The following AGBL4 variants were observed in gnomAD, a reference collection of about 807,000 sequenced individuals.
The protein encoded by AGBL4 is cytosolic carboxypeptidase 6.
A neutral mutation model predicts 66.4 loss-of-function variants in AGBL4; 58 were observed. The ratio of observed to expected loss-of-function variants is 0.87; its 90% confidence interval spans 0.71 to 1.09. The LOEUF (loss-of-function observed/expected upper bound fraction) is 1.09, where lower values mean the gene tolerates loss of function less well. Among genes scored for constraint, AGBL4 ranks in the 50% least tolerant of loss-of-function variants. AGBL4 has a pLI of 0.00. For synonymous variants in AGBL4, 234 were observed against 222.9 expected (o/e 1.05, Z -0.44); for missense variants, 579 against 631.0 (o/e 0.92, Z 0.88).
chr1:48,604,340 T>C (rs1557822637), intron 9 of AGBL4, among the ~76,000 whole-genome samples: 1 of 152,168 alleles, frequency 6.6e-6, no homozygotes, highest in Admixed American at 6.6e-5. Context: ...GTTTGAGCTG[T>C]ATGTTTGCCT....
chr1:49,558,739 C>T (rs1220698632), intron 3 of AGBL4, among the ~76,000 whole-genome samples: 1 of 152,136 alleles, frequency 6.6e-6, no homozygotes, highest in African/African-American at 2.4e-5. Flanking sequence ...GCAGGCCAAG[C>T]AGCATTCACC....
chr1:49,482,131 T>C (rs970505470), intron 3 of AGBL4, among the ~76,000 whole-genome samples: 1 of 151,966 alleles, frequency 6.6e-6, no homozygotes, highest in Admixed American at 6.6e-5. Context: ...AGGATGATGC[T>C]GGCCTCATAG....
At chr1:49,376,280 C>A (rs1190746067) in intron 3 of AGBL4, among the ~76,000 whole-genome samples, 7 of 152,024 alleles carry the variant, frequency 4.6e-5, no homozygotes, top group Admixed American at 3.9e-4. Flanking sequence ...CTCCTCTCAG[C>A]CTGCTTGTAT....
intron 1 of AGBL4, among the ~76,000 whole-genome samples, chr1:49,927,775 A>T (rs947029190): frequency 6.6e-6 from 1 of 152,200 alleles, no homozygotes; most frequent in Non-Finnish European, 1.5e-5. Context: ...CTTAAAGAGG[A>T]AGGAGAAAGA....
chr1:50,008,059 C>A (rs982086780), intron 1 of AGBL4, among the ~76,000 whole-genome samples: 2 of 152,084 alleles, frequency 1.3e-5, no homozygotes, highest in Non-Finnish European at 2.9e-5. Flanking sequence ...GATAGATAGA[C>A]CCCAATACAA....
intron 6 of AGBL4, among the ~76,000 whole-genome samples, chr1:48,668,669 G>A (rs1646228590): frequency 6.6e-6 from 1 of 152,224 alleles, no homozygotes; most frequent in Non-Finnish European, 1.5e-5. Flanking sequence ...AAGAAGGAAA[G>A]GAGGAAACTG....
chr1:50,010,433 TA>T (rs1468765675), intron 1 of AGBL4, among the ~76,000 whole-genome samples: 1 of 149,792 alleles, frequency 6.7e-6, no homozygotes, highest in Non-Finnish European at 1.5e-5. Context: ...TTCACAGAAA[TA>T]GAAAAAATAA....
intron 3 of AGBL4, among the ~76,000 whole-genome samples, chr1:49,362,926 AT>A (rs1225241563): frequency 6.6e-6 from 1 of 152,178 alleles, no homozygotes. Flanking sequence ...AATGAAACAA[AT>A]TTTGGACATA....
intron 9 of AGBL4, among the ~76,000 whole-genome samples, chr1:48,604,842 T>C (rs1645132201): frequency 6.6e-6 from 1 of 151,948 alleles, no homozygotes; most frequent in Non-Finnish European, 1.5e-5. Flanking sequence ...GACAAGGAGG[T>C]GTGGGTAACA....
intron 2 of AGBL4, among the ~76,000 whole-genome samples, chr1:49,769,620 T>C (rs917503575): frequency 2.0e-5 from 3 of 152,028 alleles, no homozygotes; most frequent in Non-Finnish European, 4.4e-5. Flanking sequence ...CACAGACACA[T>C]AGACCAATGG....
chr1:49,068,805 CAG>C (rs1644542176), intron 4 of AGBL4, among the ~76,000 whole-genome samples: 1 of 152,200 alleles, frequency 6.6e-6, no homozygotes, highest in Non-Finnish European at 1.5e-5. Flanking sequence ...GGAGTCACCA[CAG>C]AGTCTTCCAC....
chr1:49,683,065 C>A (rs902536504), intron 3 of AGBL4, among the ~76,000 whole-genome samples: 1 of 152,142 alleles, frequency 6.6e-6, no homozygotes, highest in Non-Finnish European at 1.5e-5. Flanking sequence ...TGGCCATCGT[C>A]TTTACTGCTA....
At chr1:48,700,018 A>G (rs1356868545) in intron 6 of AGBL4, among the ~76,000 whole-genome samples, 1 of 152,094 alleles carries the variant, frequency 6.6e-6, no homozygotes, top group African/African-American at 2.4e-5. Context: ...GGATCAAGCA[A>G]TTCACCTGCC....
chr1:48,776,284 G>C (rs1645076950), intron 6 of AGBL4, among the ~76,000 whole-genome samples: 1 of 152,200 alleles, frequency 6.6e-6, no homozygotes, highest in Non-Finnish European at 1.5e-5. Context: ...AACAGGTAGG[G>C]AGAAAAATGG....
At chr1:49,756,622 GA>G (rs1250978124) in intron 2 of AGBL4, among the ~76,000 whole-genome samples, 2 of 152,206 alleles carry the variant, frequency 1.3e-5, no homozygotes, top group Non-Finnish European at 2.9e-5. Flanking sequence ...TTGTGGGATG[GA>G]CCAGGTGGGC....
chr1:48,713,054 C>T (rs527391140), intron 6 of AGBL4, among the ~76,000 whole-genome samples: 8 of 152,288 alleles, frequency 5.3e-5, no homozygotes, highest in Non-Finnish European at 7.4e-5. Context: ...TGCTTGGTAC[C>T]GTCAACTGAT....
rs1646512703 is a variant in AGBL4, at chr1:49,461,537, A to G, written c.283-215673T>C. Among the ~76,000 whole-genome samples, 3 of 149,898 alleles carry G rather than the reference A, an allele frequency of 2.0e-5. No individual in the cohort carries two copies. The Admixed American group carries it at 2.0e-4, about 10-fold the overall frequency. The stretch of plus-strand genomic sequence containing the variant: ...ACTTTAAGTTCTGGGGTACATGTGC[A>G]CCACATCTGCCATGATGGTTTGCTA... On this transcript the variant is annotated intron_variant, in intron 3 of 13. Transcript: ENST00000371839.
intron 6 of AGBL4, among the ~76,000 whole-genome samples, chr1:48,775,341 C>G (rs1557981373): frequency 1.3e-5 from 2 of 152,278 alleles, no homozygotes; most frequent in South Asian, 4.1e-4. Flanking sequence ...TGAGACTGAG[C>G]TAACTTGCCA....
chr1:49,113,611 C>T (rs537713702), intron 4 of AGBL4, among the ~76,000 whole-genome samples: 2 of 152,328 alleles, frequency 1.3e-5, no homozygotes, highest in East Asian at 3.9e-4. Flanking sequence ...TTTCAGTTTA[C>T]TTTACCTAGA....
Sources: allele counts gnomAD v4.1 joint callset (sites outside exome capture counted in the v4.1 genomes callset), GRCh38; gene constraint gnomAD v4.1.1; transcripts MANE v1.5; gene names NCBI Gene and HGNC (gene_info 2026-07-23, HGNC 2026-07-21).